ATP9B: variants seen among roughly 807,000 people sequenced by gnomAD.
The protein encoded by ATP9B is probable phospholipid-transporting ATPase IIB.
In ATP9B, 110 loss-of-function variants were observed where a neutral mutation model predicts 146.1. That is an observed-to-expected ratio of 0.75 (90% CI 0.65 to 0.88). The LOEUF is 0.88. ATP9B is among the 40% of genes least tolerant of loss of function. ATP9B has a pLI of 0.00. For synonymous variants in ATP9B, 604 were observed against 569.7 expected, an observed-to-expected ratio of 1.06 and a Z score of -0.86; for missense variants, 1,499 against 1,496.4, an observed-to-expected ratio of 1.00 and a Z score of -0.03.
intron 4 of ATP9B, among the ~76,000 whole-genome samples, chr18:79,123,875 A>G (rs1057371345): frequency 2.6e-5 from 4 of 152,372 alleles, no homozygotes; most frequent in East Asian, 1.9e-4. Context: ...CATTTACCCA[A>G]AGAAGATATA....
chr18:79,307,761 T>A, intron 15 of ATP9B, among the ~76,000 whole-genome samples: 1 of 152,240 alleles, frequency 6.6e-6, no homozygotes, highest in East Asian at 1.9e-4. Flanking sequence ...TATTTCTAAC[T>A]TTACATCACT....
chr18:79,238,272 A>G (rs1446787829), intron 11 of ATP9B, among the ~76,000 whole-genome samples: 1 of 151,762 alleles, frequency 6.6e-6, no homozygotes, highest in East Asian at 1.9e-4. Context: ...AACATTGGCA[A>G]CTAATTCCAC....
At chr18:79,128,049 C>T (rs1269325339) in intron 5 of ATP9B, among the ~76,000 whole-genome samples, 2 of 143,170 alleles carry the variant, frequency 1.4e-5, no homozygotes, top group African/African-American at 2.6e-5. Flanking sequence ...GATCCTTTGC[C>T]GACTTTTTTT....
At chr18:79,134,434 G>T (rs1429900865) in intron 5 of ATP9B, among the ~76,000 whole-genome samples, 1 of 152,182 alleles carries the variant, frequency 6.6e-6, no homozygotes, top group Non-Finnish European at 1.5e-5. Flanking sequence ...TCAGTTTCGT[G>T]AGCTTGGGGT....
At chr18:79,361,801 G>A (rs1350537508) in intron 26 of ATP9B, 43 of 985,344 alleles carry the variant, frequency 4.4e-5, no homozygotes, top group Non-Finnish European at 4.9e-5. Context: ...GGCAGCTGGA[G>A]ACTGGATGTG....
At chr18:79,132,861 T>C (rs2094397993) in intron 5 of ATP9B, among the ~76,000 whole-genome samples, 1 of 152,220 alleles carries the variant, frequency 6.6e-6, no homozygotes, top group Non-Finnish European at 1.5e-5. Flanking sequence ...CTTTTTTCTT[T>C]TGAAAAGGAA....
At chr18:79,232,006 TGGG>T (rs1002229090) in intron 11 of ATP9B, among the ~76,000 whole-genome samples, 13 of 151,842 alleles carry the variant, frequency 8.6e-5, no homozygotes, top group Non-Finnish European at 1.5e-4. Context: ...TTTGGGGACT[TGGG>T]GGAAAGGGTG....
chr18:79,110,635 G>A, intron 3 of ATP9B, 130 bp downstream of exon 3: 1 of 815,684 alleles, frequency 1.2e-6, no homozygotes, highest in Non-Finnish European at 1.8e-6. Flanking sequence ...GTGTCCTTTT[G>A]CTTTTGAACC....
chr18:79,356,743 G>A (rs1409829369), intron 25 of ATP9B, among the ~76,000 whole-genome samples: 2 of 149,522 alleles, frequency 1.3e-5, no homozygotes, highest in African/African-American at 4.9e-5. Flanking sequence ...TAGGGAGGAG[G>A]CAGCAGAGGG....
chr18:79,274,108 G>C (rs1215159668), intron 12 of ATP9B, among the ~76,000 whole-genome samples: 1 of 152,036 alleles, frequency 6.6e-6, no homozygotes, highest in Non-Finnish European at 1.5e-5. Flanking sequence ...AATATAGCTG[G>C]TATTGATTAC....
At chr18:79,264,660 T>TAA (rs1249485797) in intron 12 of ATP9B, among the ~76,000 whole-genome samples, 1 of 125,168 alleles carries the variant, frequency 8.0e-6, no homozygotes, top group Non-Finnish European at 1.6e-5. Flanking sequence ...TTGACCACTG[T>TAA]AAGTGTTTTT....
chr18:79,293,602 G>T (rs1206079479), intron 13 of ATP9B, among the ~76,000 whole-genome samples: 3 of 152,300 alleles, frequency 2.0e-5, no homozygotes, highest in East Asian at 3.9e-4. Context: ...CAGCACCTCA[G>T]CCTCGGACTT....
intron 11 of ATP9B, among the ~76,000 whole-genome samples, chr18:79,249,787 T>TA (rs922465390): frequency 1.3e-5 from 2 of 152,166 alleles, no homozygotes; most frequent in African/African-American, 4.8e-5. Flanking sequence ...TGAAGTGGGT[T>TA]AAAAAAATGC....
At chr18:79,256,282 T>TATATATATATATATAC (rs2096078012) in intron 12 of ATP9B, among the ~76,000 whole-genome samples, 1 of 129,276 alleles carries the variant, frequency 7.7e-6, no homozygotes, top group Non-Finnish European at 1.7e-5. Flanking sequence ...TATATATATA[T>TATATATATATATATAC]ATATACATAC....
chr18:79,375,673 T>C (rs968674088), intron 29 of ATP9B: 5 of 985,358 alleles, frequency 5.1e-6, no homozygotes, highest in Non-Finnish European at 4.8e-6. Context: ...TGCCATCTGC[T>C]GAGGATTGCA....
intron 1 of ATP9B, among the ~76,000 whole-genome samples, chr18:79,074,182 G>C (rs757536430): frequency 6.6e-6 from 1 of 152,154 alleles, no homozygotes; most frequent in Non-Finnish European, 1.5e-5. Flanking sequence ...CCTGGTCTCT[G>C]TTGGTGCTGC....
intron 7 of ATP9B, among the ~76,000 whole-genome samples, chr18:79,175,018 G>T (rs555316991): frequency 2.4e-4 from 37 of 152,024 alleles, no homozygotes; most frequent in African/African-American, 8.0e-4. Flanking sequence ...GGCCAACATG[G>T]TGAAACCCTG....
chr18:79,128,662 T>C (rs918747795), intron 5 of ATP9B, among the ~76,000 whole-genome samples: 1 of 152,192 alleles, frequency 6.6e-6, no homozygotes, highest in Non-Finnish European at 1.5e-5. Context: ...TTAAAATTGT[T>C]GTAATGGAGG....
At chr18:79,108,193 T>A (rs1337906139) in intron 2 of ATP9B, among the ~76,000 whole-genome samples, 1 of 152,098 alleles carries the variant, frequency 6.6e-6, no homozygotes, top group Non-Finnish European at 1.5e-5. Flanking sequence ...ACAGCAGGGA[T>A]GCTGGAGGGA....
Sources: gnomAD v4.1 joint callset for allele counts (sites outside exome capture counted in the v4.1 genomes callset) on GRCh38, gnomAD v4.1.1 for gene constraint, MANE v1.5 for transcripts, NCBI Gene and HGNC (gene_info 2026-07-23, HGNC 2026-07-21) for gene names.